Variants in UNC5D observed in about 807,000 individuals in gnomAD.
UNC5D encodes the protein netrin receptor UNC5D.
Under a neutral mutation model 105.4 loss-of-function variants are expected in UNC5D, and 39 were observed. That is an observed-to-expected ratio of 0.37 (90% CI 0.29 to 0.48). The LOEUF is 0.48. UNC5D is among the 20% of genes least tolerant of loss of function. The pLI, the probability that UNC5D is intolerant of heterozygous loss-of-function variation, is 0.98. For synonymous variants in UNC5D, 452 were observed against 450.4 expected (o/e 1.00, Z -0.04); for missense variants, 991 against 1,202.4 (o/e 0.82, Z 2.60).
chr8:35,626,032 G>C (rs927255415), intron 4 of UNC5D, among the ~76,000 whole-genome samples: 29 of 152,228 alleles, frequency 1.9e-4, no homozygotes, highest in Non-Finnish European at 3.5e-4. Flanking sequence ...CTGTCTTTCA[G>C]CTTTTGTTTA....
chr8:35,774,928 A>T (rs1313200289), intron 16 of UNC5D, among the ~76,000 whole-genome samples: 1 of 146,004 alleles, frequency 6.8e-6, no homozygotes, highest in Admixed American at 6.9e-5. Context: ...CCCTCCTCCA[A>T]AAAAAAAAAA....
rs192010815 is a variant in UNC5D, at chr8:35,488,059, T to G, written c.104-61233T>G. The stretch of plus-strand genomic sequence containing the variant: ...AGGAGAGAGATAAATGAGGAATTGA[T>G]AAGCAAAAATCAGAACATGAAGATT... On this transcript the variant is annotated intron_variant, in intron 1 of 16. Transcript: ENST00000404895. Among the ~76,000 whole-genome samples the G allele has an allele frequency of 2.9e-3, 443 of 152,330 alleles. 2 individuals carry two copies. The highest frequency in any genetic ancestry group is 4.2e-3 in the Non-Finnish European group (285 of 68,018).
At chr8:35,272,102 G>A (rs1344765192) in intron 1 of UNC5D, among the ~76,000 whole-genome samples, 1 of 151,954 alleles carries the variant, frequency 6.6e-6, no homozygotes, top group East Asian at 1.9e-4. Context: ...ATGCTAGGCT[G>A]TTTTTGAAAC....
intron 9 of UNC5D, chr8:35,724,340 G>T (rs763974000): frequency 6.6e-7 from 1 of 1,524,810 alleles, no homozygotes; most frequent in South Asian, 1.2e-5. Flanking sequence ...GCCTCATGCT[G>T]ATATCATGTG....
chr8:35,496,443 A>T (rs1811601385), intron 1 of UNC5D, among the ~76,000 whole-genome samples: 1 of 152,162 alleles, frequency 6.6e-6, no homozygotes, highest in South Asian at 2.1e-4. Context: ...AAGCTATCAC[A>T]GTGGCCAGGG....
chr8:35,426,616 C>A (rs1333735195), intron 1 of UNC5D, among the ~76,000 whole-genome samples: 1 of 152,070 alleles, frequency 6.6e-6, no homozygotes, highest in African/African-American at 2.4e-5. Context: ...ATGGGGATGT[C>A]CTTTTGTATT....
intron 1 of UNC5D, among the ~76,000 whole-genome samples, chr8:35,349,678 C>A (rs985001040): frequency 3.3e-5 from 5 of 151,952 alleles, no homozygotes; most frequent in African/African-American, 1.2e-4. Context: ...ACATGGCACT[C>A]CATGAAATGA....
At chr8:35,241,633 T>C (rs1445422527) in intron 1 of UNC5D, among the ~76,000 whole-genome samples, 2 of 152,064 alleles carry the variant, frequency 1.3e-5, no homozygotes, top group Non-Finnish European at 2.9e-5. Context: ...ATGACCAGTC[T>C]CACTTTTTTT....
At chr8:35,760,312 G>A (rs1393580405) in intron 14 of UNC5D, among the ~76,000 whole-genome samples, 2 of 151,692 alleles carry the variant, frequency 1.3e-5, no homozygotes, top group Non-Finnish European at 2.9e-5. Context: ...CAAAGTGCTG[G>A]GATTACAGAT....
intron 1 of UNC5D, among the ~76,000 whole-genome samples, chr8:35,350,104 G>A (rs1002353690): frequency 6.6e-6 from 1 of 151,702 alleles, no homozygotes; most frequent in Non-Finnish European, 1.5e-5. Flanking sequence ...AGAGTCTTGG[G>A]AACCCCCAGA....
chr8:35,443,655 C>T (rs1055679092), intron 1 of UNC5D, among the ~76,000 whole-genome samples: 5 of 151,914 alleles, frequency 3.3e-5, no homozygotes, highest in Non-Finnish European at 7.4e-5. Context: ...ATGGTAATAG[C>T]TTCACACTGG....
intron 1 of UNC5D, among the ~76,000 whole-genome samples, chr8:35,497,162 G>T (rs965081438): frequency 1.3e-5 from 2 of 152,168 alleles, no homozygotes; most frequent in South Asian, 2.1e-4. Context: ...AAAAGAGGAT[G>T]ATCTAATGGC....
chr8:35,333,175 A>C (rs1279091350), intron 1 of UNC5D, among the ~76,000 whole-genome samples: 1 of 151,946 alleles, frequency 6.6e-6, no homozygotes, highest in Admixed American at 6.6e-5. Flanking sequence ...CTCTACAAAA[A>C]ATTTTTTAAA....
rs1802587778 is a variant in UNC5D at position 35,238,151 on chromosome 8, C to T, written c.103+2264C>T. Among the ~76,000 whole-genome samples, 3 of 152,288 alleles carry T rather than the reference C, an allele frequency of 2.0e-5. No homozygotes were observed. The South Asian group carries it at 6.2e-4, about 32-fold the overall frequency. On this transcript the variant is annotated intron_variant, in intron 1 of 16. Coordinates refer to ENST00000404895, the MANE Select transcript of UNC5D (RefSeq NM_080872.4). ...CGGGGTATAGAATTATGCCATTTGC[C>T]TTGCTGTTATGAGAATATTTAACAA...
chr8:35,339,288 T>C (rs1428744226), intron 1 of UNC5D, among the ~76,000 whole-genome samples: 1 of 152,168 alleles, frequency 6.6e-6, no homozygotes, highest in Admixed American at 6.5e-5. Flanking sequence ...CCAATCCTAC[T>C]TGTTAATAAA....
At chr8:35,318,758 A>T (rs760480051) in intron 1 of UNC5D, among the ~76,000 whole-genome samples, 14 of 152,188 alleles carry the variant, frequency 9.2e-5, no homozygotes, top group Admixed American at 2.6e-4. Flanking sequence ...AACACAACTA[A>T]GGCTGTGTTT....
In UNC5D at chr8:35,766,884, T is replaced by A. The variant is rs1253380672; in HGVS notation, c.2314-18T>A. The A allele has an allele frequency of 1.9e-6, 3 of 1,603,646 alleles. No homozygotes were observed. The highest frequency in any genetic ancestry group is 2.6e-6 in the Non-Finnish European group (3 of 1,173,818). Reference sequence around the variant, plus strand: ...GCCAGGCTCTGCACACCATCCCTTCTCTCCGTCTCCCCTGCAGGAAGTCCC... The same window carrying A: ...GCCAGGCTCTGCACACCATCCCTTCACTCCGTCTCCCCTGCAGGAAGTCCC... On this transcript the variant is annotated intron_variant, in intron 14 of 16. Coordinates refer to ENST00000404895, the MANE Select transcript of UNC5D (RefSeq NM_080872.4).
chr8:35,447,439 G>A (rs990138584), intron 1 of UNC5D, among the ~76,000 whole-genome samples: 2 of 151,992 alleles, frequency 1.3e-5, no homozygotes, highest in Admixed American at 6.6e-5. Context: ...GTGGCCTATG[G>A]GAGAATAGCC....
chr8:35,714,301 A>G (rs1828127301), intron 8 of UNC5D, among the ~76,000 whole-genome samples: 1 of 152,230 alleles, frequency 6.6e-6, no homozygotes, highest in Non-Finnish European at 1.5e-5. Flanking sequence ...ATGAGTGATA[A>G]TGATGAATCT....
Sources: gnomAD v4.1 joint callset for allele counts (sites outside exome capture counted in the v4.1 genomes callset) on GRCh38, gnomAD v4.1.1 for gene constraint, MANE v1.5 for transcripts, NCBI Gene and HGNC (gene_info 2026-07-23, HGNC 2026-07-21) for gene names.